RBM4: variants seen among roughly 807,000 people sequenced by gnomAD.
The protein encoded by RBM4 is RNA binding motif protein 4.
RBM4 carries 7 observed loss-of-function variants against 29.5 expected under a neutral mutation model. The ratio of observed to expected loss-of-function variants is 0.24; its 90% confidence interval spans 0.14 to 0.45. The LOEUF (loss-of-function observed/expected upper bound fraction) is 0.45. Ranked by LOEUF, RBM4 falls within the 20% of genes least tolerant of loss-of-function variation. RBM4 has a pLI of 1.00. For synonymous variants in RBM4, 220 were observed against 205.4 expected (o/e 1.07, Z -0.61); for missense variants, 387 against 502.3 (o/e 0.77, Z 2.19).
intron 2 of RBM4, among the ~76,000 whole-genome samples, chr11:66,663,247 T>TA (rs1183388759): frequency 1.3e-5 from 2 of 152,250 alleles, no homozygotes; most frequent in Non-Finnish European, 2.9e-5. Flanking sequence ...TAATCATTAA[T>TA]ATGTGATTTG....
intron 2 of RBM4, among the ~76,000 whole-genome samples, chr11:66,654,323 C>G (rs986919367): frequency 2.6e-5 from 4 of 151,402 alleles, no homozygotes; most frequent in Non-Finnish European, 4.4e-5. Context: ...AACCCTGTCT[C>G]TACTAAAAAT....
Position 66,653,994 on chromosome 11 carries a change from A to G in RBM4, c.413-11862A>G, listed in dbSNP as rs144437541. On this transcript the variant is annotated intron_variant, in intron 2 of 2. Coordinates refer to the RBM4 transcript ENST00000396053. The stretch of plus-strand genomic sequence containing the variant: ...ATCGCTTGAGCAGCCCAGGAGTTCA[A>G]GTCCAGCATGGACAACAGCAAGACC... Among the ~76,000 whole-genome samples, 728 of 152,172 alleles carry G rather than the reference A, an allele frequency of 4.8e-3. 5 individuals are homozygous for G. The highest frequency in any genetic ancestry group is 0.017 in the African/African-American group (692 of 41,516).
At chr11:66,657,794 G>T (rs112859513) in intron 2 of RBM4, among the ~76,000 whole-genome samples, 1 of 148,228 alleles carries the variant, frequency 6.7e-6, no homozygotes, top group African/African-American at 2.5e-5. Context: ...CTGGAGTGCC[G>T]TGTTCAACCT....
chr11:66,644,606 CTG>C (rs1938610954), intron 3 of RBM4: 2 of 804,192 alleles, frequency 2.5e-6, no homozygotes, highest in African/African-American at 1.9e-5. Context: ...AAGTCCATAA[CTG>C]TAGTTAACTG....
intron 2 of RBM4, chr11:66,665,456 G>C (rs1939190256): frequency 1.3e-6 from 1 of 751,490 alleles, no homozygotes; most frequent in African/African-American, 1.8e-5. Flanking sequence ...AAACATAGTT[G>C]GTCACAAACT....
At chr11:66,656,144 AT>A (rs899028264) in intron 2 of RBM4, among the ~76,000 whole-genome samples, 69 of 136,596 alleles carry the variant, frequency 5.1e-4, no homozygotes, top group Non-Finnish European at 5.0e-4. Flanking sequence ...CTAATTTTGT[AT>A]TTTTTTTTTT....
At chr11:66,641,694 C>G (rs1426300560) in intron 2 of RBM4, among the ~76,000 whole-genome samples, 1 of 152,094 alleles carries the variant, frequency 6.6e-6, no homozygotes, top group Non-Finnish European at 1.5e-5. Context: ...TGACACTAAC[C>G]TATGCTTAGT....
chr11:66,651,270 ATGG>A (rs1190376561), downstream of RBM4, among the ~76,000 whole-genome samples: 1 of 152,010 alleles, frequency 6.6e-6, no homozygotes, highest in Admixed American at 6.5e-5. Context: ...TCCCAGGATG[ATGG>A]TGATGGGAAG....
chr11:66,664,395 C>T (rs540598819), intron 2 of RBM4, among the ~76,000 whole-genome samples: 13 of 152,086 alleles, frequency 8.5e-5, no homozygotes, highest in Admixed American at 7.9e-4. Flanking sequence ...GGTGATCTGC[C>T]TGCCTCGGTC....
intron 2 of RBM4, chr11:66,665,371 T>A: frequency 1.7e-6 from 1 of 600,374 alleles, no homozygotes; most frequent in Non-Finnish European, 2.9e-6. Context: ...GCTGAGAATA[T>A]AAGGAACAGA....
intron 2 of RBM4, among the ~76,000 whole-genome samples, chr11:66,660,554 C>T (rs1360171100): frequency 1.3e-5 from 2 of 151,710 alleles, no homozygotes; most frequent in African/African-American, 2.4e-5. Context: ...GTTGTCCTGG[C>T]TGGTCTCAAA....
intron 1 of RBM4, 33 bp from the exon 2 acceptor site, chr11:66,639,667 T>C (rs757053128): frequency 1.2e-6 from 2 of 1,600,820 alleles, no homozygotes; most frequent in Non-Finnish European, 1.7e-6. Context: ...GGGCCTGAGG[T>C]CTTTTGTCAG....
In RBM4 at chr11:66,643,451, C is replaced by A; in HGVS notation, c.414C>A (p.Gly138=). 1 of 1,602,672 alleles carries A rather than the reference C, an allele frequency of 6.2e-7. No homozygotes were observed. Among genetic ancestry groups the A allele is most frequent in the Non-Finnish European group, 8.5e-7 (1 of 1,171,918 alleles). ...CCTTCTTGCGTCTGTTTCTTCAAGG[C>A]AAACGAATGCACGTGCAGTTGTCCA... The part of the protein sequence containing the change: ...IRGLDNTEFQ[G]KRMHVQLSTS... Residue 138 remains glycine (G), a splice_region_variant and synonymous_variant, in exon 3 of 4, where the codon GGC becomes GGA. Coordinates refer to ENST00000310092, the MANE Select transcript of RBM4 (RefSeq NM_002896.4). The surrounding 1 kb of genome is among the most constrained non-coding windows in gnomAD (Gnocchi z 6.1).
chr11:66,639,611 G>A, intron 1 of RBM4, 89 bp from the exon 2 acceptor site: 5 of 1,485,542 alleles, frequency 3.4e-6, no homozygotes, highest in Non-Finnish European at 4.6e-6. Context: ...GAGAAAACTG[G>A]AAATATACAT....
intron 3 of RBM4, chr11:66,644,685 G>GT (rs1189979015): frequency 1.0e-5 from 10 of 984,466 alleles, no homozygotes; most frequent in Non-Finnish European, 1.2e-5. Flanking sequence ...ATCTTGAAGC[G>GT]TATTTCTGAC....
Position 66,646,307 on chromosome 11 carries a change from G to A in RBM4, c.*289G>A. 7.5e-7 allele frequency: 1 copy of A among 1,331,088 alleles called. No individual in the cohort carries two copies. The highest frequency in any genetic ancestry group is 9.6e-7 in the Non-Finnish European group (1 of 1,037,532). 82.5% of individuals were successfully genotyped at this position (1,331,088 alleles called of 1,614,324 possible). ...GTGTGCAGAAACTGTGGTGGGGGCT[G>A]TGCTGTCTCCTCCCTGCCTCCTGCC... On this transcript the variant is annotated 3_prime_UTR_variant, in exon 4 of 4. Transcript: ENST00000310092.
intron 2 of RBM4, among the ~76,000 whole-genome samples, chr11:66,661,151 A>C (rs1045953893): frequency 6.6e-6 from 1 of 152,194 alleles, no homozygotes; most frequent in Non-Finnish European, 1.5e-5. Context: ...CTTCTCCTGC[A>C]AGTTCCTGGA....
intron 2 of RBM4, among the ~76,000 whole-genome samples, chr11:66,657,704 AAAAATT>A (rs1280432424): frequency 2.0e-5 from 3 of 151,088 alleles, no homozygotes; most frequent in Non-Finnish European, 4.4e-5. Context: ...AAAAAAAAAA[AAAAATT>A]ATAGGCATGA....
chr11:66,663,726 G>GTA (rs1565089192), intron 2 of RBM4, among the ~76,000 whole-genome samples: 2 of 151,544 alleles, frequency 1.3e-5, no homozygotes, highest in African/African-American at 4.9e-5. Context: ...GTGTGTGTGT[G>GTA]TGTATATATG....
Sources: gnomAD v4.1 joint callset for allele counts (sites outside exome capture counted in the v4.1 genomes callset) on GRCh38, gnomAD v4.1.1 for gene constraint, Gnocchi (gnomAD v3.1) non-coding constraint, MANE v1.5 for transcripts, NCBI Gene and HGNC (gene_info 2026-07-23, HGNC 2026-07-21) for gene names.